Variants in ABLIM1 observed in about 807,000 individuals in gnomAD.
ABLIM1 encodes actin-binding LIM protein 1.
A neutral mutation model predicts 107.0 loss-of-function variants in ABLIM1; 40 were observed. That is an observed-to-expected ratio of 0.37 (90% CI 0.29 to 0.49). The LOEUF (loss-of-function observed/expected upper bound fraction) is 0.49, where lower values mean the gene tolerates loss of function less well. Ranked by LOEUF, ABLIM1 falls within the 20% of genes least tolerant of loss-of-function variation. The pLI, the probability that ABLIM1 is intolerant of heterozygous loss-of-function variation, is 0.97. For missense variants in ABLIM1, 857 were observed against 1,008.5 expected (o/e 0.85, Z 2.04); for synonymous variants, 357 against 357.3 (o/e 1.00, Z 0.01).
intron 3 of ABLIM1, among the ~76,000 whole-genome samples, chr10:114,574,831 T>A (rs1040317243): frequency 3.3e-5 from 5 of 152,186 alleles, no homozygotes; most frequent in African/African-American, 4.8e-5. Flanking sequence ...TGGCAAATAT[T>A]TCCCCCCAAA....
At chr10:114,514,294 G>C (rs1348774585) in intron 6 of ABLIM1, among the ~76,000 whole-genome samples, 2 of 120,900 alleles carry the variant, frequency 1.7e-5, no homozygotes, top group African/African-American at 7.2e-5. Flanking sequence ...GCGAGACTCT[G>C]TCTCAAAAAA....
intron 4 of ABLIM1, among the ~76,000 whole-genome samples, chr10:114,553,272 C>A (rs778514361): frequency 6.6e-6 from 1 of 152,206 alleles, no homozygotes; most frequent in Non-Finnish European, 1.5e-5. Flanking sequence ...TGTGTAGAGT[C>A]ATTTACAAAG....
At chr10:114,759,086 C>T (rs562180203) in intron 1 of ABLIM1, among the ~76,000 whole-genome samples, 16 of 152,200 alleles carry the variant, frequency 1.1e-4, no homozygotes, top group South Asian at 4.2e-4. Context: ...CATGCTCGAC[C>T]CACAACTCCT....
intron 1 of ABLIM1, among the ~76,000 whole-genome samples, chr10:114,758,061 C>T (rs1269549012): frequency 1.3e-5 from 2 of 152,140 alleles, no homozygotes; most frequent in Non-Finnish European, 2.9e-5. Context: ...GCTGAAATGT[C>T]GCTTTATCAA....
intron 6 of ABLIM1, among the ~76,000 whole-genome samples, chr10:114,509,822 G>T (rs904384661): frequency 4.6e-5 from 7 of 152,156 alleles, no homozygotes; most frequent in African/African-American, 1.7e-4. Flanking sequence ...ACATAGCTGA[G>T]ACTAGGTCAT....
chr10:114,755,299 A>T (rs144022350), intron 1 of ABLIM1, among the ~76,000 whole-genome samples: 1 of 152,296 alleles, frequency 6.6e-6, no homozygotes, highest in East Asian at 1.9e-4. Context: ...TCCTGAAACC[A>T]TTCCTCCCCA....
intron 12 of ABLIM1, among the ~76,000 whole-genome samples, chr10:114,457,712 G>A (rs7098725): frequency 0.41 from 62,197 of 152,058 alleles, 12,574 homozygotes; most frequent in South Asian, 0.44. Flanking sequence ...ATATTTGGAA[G>A]ATATCATTAT....
Position 114,705,865 on chromosome 10 carries a change from G to C in ABLIM1, c.-213+62196C>G, listed in dbSNP as rs202145652. 4.6e-5 allele frequency among the ~76,000 whole-genome samples: 7 copies of C among 152,190 alleles called. No homozygotes were observed. The East Asian group carries it at 1.2e-3, about 25-fold the overall frequency. On this transcript the variant is annotated intron_variant, in intron 1 of 15. Coordinates refer to the ABLIM1 transcript ENST00000651092. The stretch of plus-strand genomic sequence containing the variant: ...TTATGTGGAGAAGACTACAGTGCAA[G>C]GACAGAGTAGCGAAGTGGGAGTATG...
chr10:114,463,338 G>A (rs113432479), intron 12 of ABLIM1, among the ~76,000 whole-genome samples: 1,553 of 152,304 alleles, frequency 0.01, 29 homozygotes, highest in African/African-American at 0.036. Flanking sequence ...TGCTAAGGCT[G>A]AGGCAAAGTA....
At chr10:114,689,749 A>C (rs548442277), upstream of ABLIM1, among the ~76,000 whole-genome samples, 2 of 151,934 alleles carry the variant, frequency 1.3e-5, no homozygotes, top group Admixed American at 1.3e-4. Context: ...TATCTTTCAA[A>C]AAAAGATTCG....
At chr10:114,545,943 C>CAAAAA (rs35262022) in intron 5 of ABLIM1, among the ~76,000 whole-genome samples, 1 of 122,440 alleles carries the variant, frequency 8.2e-6, no homozygotes, top group Non-Finnish European at 1.6e-5. Context: ...AAAAAAAAAA[C>CAAAAA]AAAAAAAAAA....
chr10:114,517,581 G>A (rs936972729), intron 6 of ABLIM1, among the ~76,000 whole-genome samples: 1 of 152,092 alleles, frequency 6.6e-6, no homozygotes. Flanking sequence ...ACGAATTCAA[G>A]GCATCAACGA....
At chr10:114,552,659 G>A (rs1394274241) in intron 4 of ABLIM1, among the ~76,000 whole-genome samples, 1 of 152,118 alleles carries the variant, frequency 6.6e-6, no homozygotes, top group Admixed American at 6.5e-5. Context: ...TTGTTCAAAG[G>A]CAATTAATAT....
At chr10:114,772,357 T>A (rs1265056660), upstream of ABLIM1, among the ~76,000 whole-genome samples, 1 of 152,000 alleles carries the variant, frequency 6.6e-6, no homozygotes, top group Non-Finnish European at 1.5e-5. Context: ...ATCCCAGCAC[T>A]ATGGGAGGCC....
At chr10:114,781,477 C>G in the ABLIM1 span, among the ~76,000 whole-genome samples, 1 of 151,012 alleles carries the variant, frequency 6.6e-6, no homozygotes. Context: ...GCACCCCAGC[C>G]TGGGTGATGG....
chr10:114,644,390 C>T (rs9421197), intron 1 of ABLIM1, among the ~76,000 whole-genome samples: 2,510 of 135,662 alleles, frequency 0.019, 82 homozygotes, highest in African/African-American at 0.067. Context: ...TAAGGATAAT[C>T]ACATGGGGTT....
In ABLIM1 at chr10:114,629,319, A is replaced by G. The variant is rs1469265566; in HGVS notation, c.245-27358T>C. Among the ~76,000 whole-genome samples, 1 of 152,206 alleles carries G rather than the reference A, an allele frequency of 6.6e-6. No homozygotes were observed. Among genetic ancestry groups the G allele is most frequent in the Non-Finnish European group, 1.5e-5 (1 of 68,032 alleles). On this transcript the variant is annotated intron_variant, in intron 1 of 22. Transcript: ENST00000533213. This position sits in a 1 kb window ranked among gnomAD's most constrained non-coding sequence, Gnocchi z 4.0. ...GCCGGCCATGTTCCTCGGGATGGAC[A>G]TTGCCAGGACCCGAGCCTCCTCGAG... is the stretch of plus-strand genomic sequence containing the variant.
At chr10:114,442,066 C>A (rs911982594) in intron 17 of ABLIM1, among the ~76,000 whole-genome samples, 1 of 152,142 alleles carries the variant, frequency 6.6e-6, no homozygotes, top group South Asian at 2.1e-4. Context: ...GTTCAGCATG[C>A]TTTATTTCTT....
chr10:114,490,978 G>GTA (rs1386334897), intron 7 of ABLIM1, among the ~76,000 whole-genome samples: 59 of 54,612 alleles, frequency 1.1e-3, no homozygotes, highest in African/African-American at 6.8e-3. Flanking sequence ...ATATATATGT[G>GTA]TGTGTGTGTG....
Sources: gnomAD v4.1 joint callset for allele counts (sites outside exome capture counted in the v4.1 genomes callset) on GRCh38, gnomAD v4.1.1 for gene constraint, Gnocchi (gnomAD v3.1) non-coding constraint, MANE v1.5 for transcripts, NCBI Gene and HGNC (gene_info 2026-07-23, HGNC 2026-07-21) for gene names.